The following SLC25A23 variants were observed in gnomAD, a reference collection of about 807,000 sequenced individuals.
The protein encoded by SLC25A23 is solute carrier family 25 member 23, also known as mitochondrial adenyl nucleotide antiporter SLC25A23.
A neutral mutation model predicts 53.9 loss-of-function variants in SLC25A23; 32 were observed. The observed-to-expected ratio is 0.59, with a 90% CI of 0.45 to 0.80. The LOEUF (loss-of-function observed/expected upper bound fraction) is 0.80. SLC25A23 is among the 30% of genes least tolerant of loss of function. The pLI, the probability that SLC25A23 is intolerant of heterozygous loss-of-function variation, is 0.00. For synonymous variants in SLC25A23, 275 were observed against 264.5 expected (o/e 1.04, Z -0.38); for missense variants, 575 against 651.4 (o/e 0.88, Z 1.28).
In SLC25A23 at chr19:6,444,256, C is replaced by G; in HGVS notation, c.1117G>C (p.Asp373His). The change falls in exon 9 of 10, where the codon GAC (aspartate) becomes CAC (histidine). Residue 373 changes from aspartate (D) to histidine (H), a missense_variant. Physicochemically the swap from Asp to His is moderately conservative, Grantham distance 81. Transcript: ENST00000301454. Reference protein sequence around the residue: ...WLQQYSHDSADPGILVLLACG... With the variant: ...WLQQYSHDSAHPGILVLLACG... ...GCCAGGAGCACGAGGATGCCTGGGT[C>G]TGCCGAGTCGTGGCTGTACTGCTGA... 6.2e-7 allele frequency: 1 copy of G among 1,604,960 alleles called. No homozygotes were observed. The highest frequency in any genetic ancestry group is 1.1e-5 in the South Asian group (1 of 89,128).
Position 6,457,571 on chromosome 19 carries a change from C to T in SLC25A23, c.303G>A (p.Glu101=), listed in dbSNP as rs2092699462. Residue 101 remains glutamate (E), a synonymous_variant, in exon 3 of 10, where the codon GAG becomes GAA. Transcript: ENST00000301454. The part of the protein sequence containing the change: ...RNQDGHIDVS[E]IQQSFRALGI... ...CCAGAGCTCGGAAACTCTGTTGGAT[C>T]TCAGAGACATCAATGTGACCTGGGG... The T allele has an allele frequency of 2.5e-6, 4 of 1,614,044 alleles. No homozygotes were observed. The highest frequency in any genetic ancestry group is 1.3e-5 in the African/African-American group (1 of 75,048).
At chr19:6,450,551 GCA>G (rs1314781736) in intron 8 of SLC25A23, among the ~76,000 whole-genome samples, 6 of 152,152 alleles carry the variant, frequency 3.9e-5, no homozygotes, top group African/African-American at 1.4e-4. Flanking sequence ...GCCACAATCC[GCA>G]CAGTGTCTAG....
rs2092683908 is a variant in SLC25A23 at position 6,456,472 on chromosome 19, A to G, written c.431T>C (p.Leu144Ser). Reference sequence around the variant, plus strand: ...GTCCTCCACATTTTCCAGCGAATGCAACAGGAAGTGGTCGCGCCATTCTTG... The same window carrying G: ...GTCCTCCACATTTTCCAGCGAATGCGACAGGAAGTGGTCGCGCCATTCTTG... ...DWQEWRDHFLLHSLENVEDVL... is the reference protein window; with the variant it reads ...DWQEWRDHFLSHSLENVEDVL... The change falls in exon 4 of 10, where the codon TTG becomes TCG. Residue 144 changes from leucine (L) to serine (S), a missense_variant. By Grantham distance (145) the Leu-to-Ser change is moderately radical. Transcript: ENST00000301454. 2 of 1,613,964 alleles carry G rather than the reference A, an allele frequency of 1.2e-6. No homozygotes were observed. Among genetic ancestry groups the G allele is most frequent in the African/African-American group, 1.3e-5 (1 of 74,978 alleles).
In SLC25A23 at chr19:6,459,389, G is replaced by A. The variant is rs1023958890; in HGVS notation, c.156+84C>T. On this transcript the variant is annotated intron_variant, in intron 1 of 9. Transcript: ENST00000301454. The surrounding 1 kb of genome is among the most constrained non-coding windows in gnomAD (Gnocchi z 4.6). ...AGTCCAGCCACAGGTAGTCCCTGGT[G>A]GCTCCGGCCGCCCAGTTCAGGGGCT... 4.8e-6 allele frequency: 6 copies of A among 1,237,690 alleles called. No individual in the cohort carries two copies. Among genetic ancestry groups the A allele is most frequent in the Non-Finnish European group, 6.5e-6 (6 of 924,946 alleles). 76.7% of individuals were successfully genotyped at this position (1,237,690 alleles called of 1,614,324 possible). A position where few individuals can be genotyped will look rare whatever the true frequency, so the allele number is the denominator to read the frequency against.
At position 6,441,624 on chromosome 19, in the gene SLC25A23, G is replaced by C; in HGVS notation, c.*351C>G. On this transcript the variant is annotated 3_prime_UTR_variant, in exon 10 of 10. Transcript: ENST00000301454. Reference sequence around the variant, plus strand: ...GTGGGGCTGCAGGATCCAGTGATTTGGGGGATGGGGATTAAGGGCTGGGGT... The same window carrying C: ...GTGGGGCTGCAGGATCCAGTGATTTCGGGGATGGGGATTAAGGGCTGGGGT... The C allele has an allele frequency of 3.3e-6, 1 of 302,818 alleles. No homozygotes were observed. The highest frequency in any genetic ancestry group is 2.2e-5 in the African/African-American group (1 of 45,310). 18.8% of individuals were successfully genotyped at this position (302,818 alleles called of 1,614,324 possible).
Position 6,443,437 on chromosome 19 carries a change from G to A in SLC25A23, c.1222+714C>T, listed in dbSNP as rs142488076. The A allele has an allele frequency of 4.5e-4, 247 of 550,732 alleles. 1 individual carries two copies. The highest frequency in any genetic ancestry group is 4.4e-3 in the African/African-American group (226 of 51,734). 34.1% of individuals were successfully genotyped at this position (550,732 alleles called of 1,614,324 possible). A position where few individuals can be genotyped will look rare whatever the true frequency, so the allele number is the denominator to read the frequency against. ...AAGATGGGGTCTTGCTATGTTGCCC[G>A]GGCTGGTCTCAAACTCCTGGACTCA... On this transcript the variant is annotated intron_variant, in intron 9 of 9. Coordinates refer to ENST00000301454, the MANE Select transcript of SLC25A23 (RefSeq NM_024103.3).
intron 1 of SLC25A23, among the ~76,000 whole-genome samples, 174 bp from the exon 2 acceptor site, chr19:6,458,498 G>A (rs2145105677): frequency 6.6e-6 from 1 of 152,236 alleles, no homozygotes; most frequent in Non-Finnish European, 1.5e-5. Context: ...GATCCCTACA[G>A]CCACCACAGG....
intron 8 of SLC25A23, among the ~76,000 whole-genome samples, chr19:6,445,746 T>C (rs1390557850): frequency 6.6e-6 from 1 of 151,904 alleles, no homozygotes; most frequent in Non-Finnish European, 1.5e-5. Context: ...AAAGAATAAA[T>C]TAAAAACAGC....
rs111515970 is a variant in SLC25A23, at chr19:6,441,967, C to T, written c.*8G>A. ...GGTGAGGGATTGGGGGGACGGGCTCCGGGTCCCTCACCTGGACGTGACCCC... is the reference window on the plus strand; with the variant it reads ...GGTGAGGGATTGGGGGGACGGGCTCTGGGTCCCTCACCTGGACGTGACCCC... On this transcript the variant is annotated 3_prime_UTR_variant, in exon 10 of 10. Transcript: ENST00000301454. The T allele has an allele frequency of 1.4e-5, 23 of 1,612,814 alleles. No individual in the cohort carries two copies. Among genetic ancestry groups the T allele is most frequent in the South Asian group, 6.6e-5 (6 of 90,898 alleles).
chr19:6,454,433 G>GC lies in SLC25A23; in HGVS notation c.684dup (p.Leu229AlafsTer7). On this transcript the variant is annotated frameshift_variant, in exon 6 of 10. Coordinates refer to ENST00000301454, the MANE Select transcript of SLC25A23 (RefSeq NM_024103.3). LOFTEE classifies it high-confidence loss of function. The surrounding 1 kb of genome is among the most constrained non-coding windows in gnomAD (Gnocchi z 4.3). ...CCTCCCTCAAGGACCATGCTTCGAA[G>GC]CCCCCCAAGGATGTTCAGCCGGTTG... 2 of 1,614,132 alleles carry GC rather than the reference G, an allele frequency of 1.2e-6. No homozygotes were observed. The highest frequency in any genetic ancestry group is 1.7e-6 in the Non-Finnish European group (2 of 1,180,022).
At chr19:6,445,212 C>T (rs2092485647) in intron 8 of SLC25A23, among the ~76,000 whole-genome samples, 1 of 151,864 alleles carries the variant, frequency 6.6e-6, no homozygotes, top group Non-Finnish European at 1.5e-5. Flanking sequence ...TGGCTTCAAG[C>T]GATTCTCCTG....
intron 9 of SLC25A23, among the ~76,000 whole-genome samples, chr19:6,442,437 C>T (rs970762347): frequency 6.6e-6 from 1 of 152,162 alleles, no homozygotes; most frequent in Admixed American, 6.5e-5. Flanking sequence ...AGGTTCCCTC[C>T]CTCCTTTCCC....
intron 9 of SLC25A23, 85 bp downstream of exon 9, chr19:6,444,066 G>C (rs2092466464): frequency 1.4e-6 from 2 of 1,387,736 alleles, no homozygotes; most frequent in Non-Finnish European, 1.9e-6. Flanking sequence ...AATCCAGGAG[G>C]GTCCCAGCCC....
At position 6,452,345 on chromosome 19, in the gene SLC25A23, G is replaced by A. The variant is rs774326452; in HGVS notation, c.1038C>T (p.Ile346=). ...RGYLPNVLGI[I]PYAGIDLAVY... ...CGGCCAGGTCGATGCCCGCATAGGG[G>A]ATGATGCCCAGCACGTTGGGGAGGT... is the stretch of plus-strand genomic sequence containing the variant. The change falls in exon 8 of 10, where the codon ATC becomes ATT. Residue 346 remains isoleucine, a synonymous_variant. Transcript: ENST00000301454. The A allele has an allele frequency of 2.5e-6, 4 of 1,613,582 alleles. No individual in the cohort carries two copies. Among genetic ancestry groups the A allele is most frequent in the Non-Finnish European group, 3.4e-6 (4 of 1,179,814 alleles).
chr19:6,438,359 A>T (rs938301242), downstream of SLC25A23: 1 of 152,334 alleles, frequency 6.6e-6, no homozygotes, highest in African/African-American at 2.4e-5. Context: ...AGACACACAT[A>T]AGGGAGCATA....
At position 6,458,027 on chromosome 19, in the gene SLC25A23, C is replaced by T. The variant is rs113151800; in HGVS notation, c.283+171G>A. Among the ~76,000 whole-genome samples the T allele has an allele frequency of 6.9e-3, 1,044 of 152,038 alleles. 18 individuals carry two copies. The highest frequency in any genetic ancestry group is 0.023 in the African/African-American group (953 of 41,470). ...GAGGTGGGATGGGCTGGCTGGGCCT[C>T]GAACCACCTAGCTAGGGGGTGAGGA... On this transcript the variant is annotated intron_variant, in intron 2 of 9. Transcript: ENST00000301454.
At chr19:6,451,370 C>T (rs2092588002) in intron 8 of SLC25A23, among the ~76,000 whole-genome samples, 1 of 152,012 alleles carries the variant, frequency 6.6e-6, no homozygotes, top group African/African-American at 2.4e-5. Flanking sequence ...GCCTGGGCGA[C>T]AAGAGCGAGA....
chr19:6,459,514 C>G lies in SLC25A23; in HGVS notation c.115G>C (p.Ala39Pro). Residue 39 changes from alanine to proline, a missense_variant, in exon 1 of 10, where the codon GCC (alanine) becomes CCC (proline). By Grantham distance (27) the Ala-to-Pro change is conservative. Coordinates refer to ENST00000301454, the MANE Select transcript of SLC25A23 (RefSeq NM_024103.3). The surrounding 1 kb of genome is among the most constrained non-coding windows in gnomAD (Gnocchi z 4.6). ...TCTGGGTTGCCCCCGCCCAGCCTGGCCAGCCCCTGGCGCAACTCGTGCACG... is the reference window on the plus strand; with the variant it reads ...TCTGGGTTGCCCCCGCCCAGCCTGGGCAGCCCCTGGCGCAACTCGTGCACG... Reference protein sequence around the residue: ...VDVHELRQGLARLGGGNPDPG... With the variant: ...VDVHELRQGLPRLGGGNPDPG... 1 of 1,596,526 alleles carries G rather than the reference C, an allele frequency of 6.3e-7. No individual in the cohort carries two copies. Among genetic ancestry groups the G allele is most frequent in the African/African-American group, 1.3e-5 (1 of 74,278 alleles).
chr19:6,438,836 C>CA (rs2092370789), downstream of SLC25A23: 1 of 210,970 alleles, frequency 4.7e-6, no homozygotes, highest in African/African-American at 2.4e-5. Flanking sequence ...GAAACAAGAG[C>CA]AAGACTCCTA....
Sources: gnomAD v4.1 joint callset for allele counts (sites outside exome capture counted in the v4.1 genomes callset) on GRCh38, gnomAD v4.1.1 for gene constraint, Gnocchi (gnomAD v3.1) non-coding constraint, MANE v1.5 for transcripts, NCBI Gene and HGNC (gene_info 2026-07-23, HGNC 2026-07-21) for gene names.